Variants in TSPAN18 observed in about 807,000 individuals in gnomAD.
TSPAN18 encodes tetraspanin-18.
TSPAN18 carries 14 observed loss-of-function variants against 27.3 expected under a neutral mutation model. That is an observed-to-expected ratio of 0.51 (90% CI 0.34 to 0.80). TSPAN18 has a LOEUF of 0.80. TSPAN18 is among the 30% of genes least tolerant of loss of function. The pLI is 0.01. For synonymous variants in TSPAN18, 143 were observed against 136.5 expected, an observed-to-expected ratio of 1.05 and a Z score of -0.33; for missense variants, 268 against 323.9, an observed-to-expected ratio of 0.83 and a Z score of 1.32.
chr11:44,928,118 A>G (rs190675311), intron 9 of TSPAN18, among the ~76,000 whole-genome samples: 32 of 152,230 alleles, frequency 2.1e-4, no homozygotes, highest in African/African-American at 7.7e-4. Flanking sequence ...GCTACTTGCA[A>G]TGAGCTCTGG....
intron 5 of TSPAN18, among the ~76,000 whole-genome samples, chr11:44,911,185 T>C (rs957387796): frequency 1.3e-5 from 2 of 152,182 alleles, no homozygotes; most frequent in Non-Finnish European, 2.9e-5. Context: ...CTGGGTAAGC[T>C]TGCGGATGCT....
intron 5 of TSPAN18, 105 bp downstream of exon 5, chr11:44,910,004 C>A: frequency 1.5e-6 from 2 of 1,362,514 alleles, no homozygotes; most frequent in Non-Finnish European, 9.8e-7. Context: ...CCAGTGCTTC[C>A]CAAACTGGGG....
chr11:44,792,705 G>C (rs1254349415), intron 2 of TSPAN18, among the ~76,000 whole-genome samples: 1 of 152,168 alleles, frequency 6.6e-6, no homozygotes, highest in African/African-American at 2.4e-5. Context: ...GGTTCCTCCC[G>C]GAAGAGGTGA....
At chr11:44,729,639 C>G (rs1379763727) in intron 1 of TSPAN18, among the ~76,000 whole-genome samples, 1 of 152,162 alleles carries the variant, frequency 6.6e-6, no homozygotes, top group East Asian at 1.9e-4. Flanking sequence ...TTACCCAACC[C>G]CAGTCTGAAA....
Position 44,748,263 on chromosome 11 carries a change from C to G in TSPAN18, c.-239-16163C>G, listed in dbSNP as rs114730450. Among the ~76,000 whole-genome samples, 960 of 152,192 alleles carry G rather than the reference C, an allele frequency of 6.3e-3. 9 individuals carry two copies. The highest frequency in any genetic ancestry group is 0.022 in the African/African-American group (920 of 41,520). On this transcript the variant is annotated intron_variant, in intron 1 of 9. Transcript: ENST00000520358. ...TCTTTACTAAAAATACAGAAATTAGCTGGGCACGCCTGTAATCCCAGCTAC... is the reference window on the plus strand; with the variant it reads ...TCTTTACTAAAAATACAGAAATTAGGTGGGCACGCCTGTAATCCCAGCTAC...
chr11:44,894,614 T>C (rs1373661333), intron 3 of TSPAN18, among the ~76,000 whole-genome samples: 1 of 152,250 alleles, frequency 6.6e-6, no homozygotes, highest in African/African-American at 2.4e-5. Context: ...TAAAGCTGTC[T>C]GGCCCGGGCA....
In TSPAN18 at chr11:44,930,968, G is replaced by T; in HGVS notation, c.*1790G>T. 1 of 493,914 alleles carries T rather than the reference G, an allele frequency of 2.0e-6. No homozygotes were observed. The allele number at this position is 493,914 out of a possible 1,614,324, so 30.6% of individuals were successfully genotyped here. The stretch of plus-strand genomic sequence containing the variant: ...GGGACACTCGGAGCCACAGCCTAGA[G>T]CCCCGTGTTCCCTGGCCTGTGCGTC... On this transcript the variant is annotated 3_prime_UTR_variant, in exon 10 of 10. Coordinates refer to ENST00000520358, the MANE Select transcript of TSPAN18 (RefSeq NM_130783.5).
chr11:44,929,119 CT>C lies in TSPAN18; in HGVS notation c.700-5del, dbSNP rs779358464. The C allele has an allele frequency of 1.9e-6, 3 of 1,613,146 alleles. No homozygotes were observed. The highest frequency in any genetic ancestry group is 4.5e-5 in the East Asian group (2 of 44,872). On this transcript the variant is annotated splice_polypyrimidine_tract_variant and intron_variant, in intron 9 of 9. Coordinates refer to ENST00000520358, the MANE Select transcript of TSPAN18 (RefSeq NM_130783.5). The stretch of plus-strand genomic sequence containing the variant: ...TGATAAGCCAGTTCCTGCTCTTTTT[CT>C]TTTTTTGCAGCTTTTCGCCATGATC...
intron 2 of TSPAN18, among the ~76,000 whole-genome samples, chr11:44,785,501 C>T (rs903336876): frequency 3.9e-5 from 6 of 151,932 alleles, no homozygotes; most frequent in Admixed American, 2.6e-4. Flanking sequence ...AAAAGTTATC[C>T]TCATGGTACA....
At chr11:44,796,183 G>C (rs763133324) in intron 2 of TSPAN18, among the ~76,000 whole-genome samples, 3 of 152,106 alleles carry the variant, frequency 2.0e-5, no homozygotes, top group African/African-American at 4.8e-5. Context: ...GGAGGCTCCT[G>C]GTTCTTTGCT....
chr11:44,827,961 A>G (rs1349146323), intron 2 of TSPAN18, among the ~76,000 whole-genome samples: 4 of 152,214 alleles, frequency 2.6e-5, no homozygotes, highest in Non-Finnish European at 5.9e-5. Flanking sequence ...AGCAGGCTGT[A>G]GACTCCCACC....
chr11:44,841,858 T>C (rs552917205), intron 2 of TSPAN18, among the ~76,000 whole-genome samples: 121 of 152,314 alleles, frequency 7.9e-4, no homozygotes, highest in African/African-American at 2.8e-3. Flanking sequence ...ATAAGTTTAG[T>C]CTTTTCTTCT....
intron 2 of TSPAN18, among the ~76,000 whole-genome samples, chr11:44,826,368 G>A (rs1451419487): frequency 6.6e-6 from 1 of 152,244 alleles, no homozygotes; most frequent in Non-Finnish European, 1.5e-5. Context: ...AGGTTACACT[G>A]AGTCGAGATG....
intron 3 of TSPAN18, among the ~76,000 whole-genome samples, chr11:44,882,276 G>C (rs966424889): frequency 1.3e-5 from 2 of 152,116 alleles, no homozygotes; most frequent in Non-Finnish European, 2.9e-5. Context: ...CCTTAATTAA[G>C]GGGCAGCTGG....
At chr11:44,789,353 G>A (rs1053916833) in intron 2 of TSPAN18, among the ~76,000 whole-genome samples, 3 of 152,160 alleles carry the variant, frequency 2.0e-5, no homozygotes, top group Admixed American at 6.5e-5. Context: ...TGGAGCCTTT[G>A]GAAGAAAAAT....
At chr11:44,910,998 G>C (rs775663271) in intron 5 of TSPAN18, among the ~76,000 whole-genome samples, 1 of 152,190 alleles carries the variant, frequency 6.6e-6, no homozygotes, top group Non-Finnish European at 1.5e-5. Flanking sequence ...GGGTCTTCTC[G>C]TTCTCGAGTC....
intron 2 of TSPAN18, among the ~76,000 whole-genome samples, chr11:44,799,314 C>T (rs2135063686): frequency 6.6e-6 from 1 of 152,314 alleles, no homozygotes; most frequent in African/African-American, 2.4e-5. Flanking sequence ...TCCCGCACCC[C>T]ACCCCAACTT....
At chr11:44,927,231 T>C (rs955069013) in intron 9 of TSPAN18, among the ~76,000 whole-genome samples, 37 of 152,194 alleles carry the variant, frequency 2.4e-4, no homozygotes, top group African/African-American at 8.9e-4. Flanking sequence ...AGAGTCCCCT[T>C]GAAAGGTAAG....
In TSPAN18 at chr11:44,809,812, G is replaced by A. The variant is rs912570663; in HGVS notation, c.-153+45300G>A. 3.9e-5 allele frequency among the ~76,000 whole-genome samples: 6 copies of A among 152,364 alleles called. No individual in the cohort carries two copies. In the East Asian group the frequency reaches 9.6e-4, roughly 24 times the overall value. ...GTTTGTTATGGGGAATAAGTGAGAT[G>A]CACAGTGAAATGTGTTCAGCACAGC... On this transcript the variant is annotated intron_variant, in intron 2 of 9. Transcript: ENST00000520358.
Sources: gnomAD v4.1 joint callset for allele counts (sites outside exome capture counted in the v4.1 genomes callset) on GRCh38, gnomAD v4.1.1 for gene constraint, MANE v1.5 for transcripts, NCBI Gene and HGNC (gene_info 2026-07-23, HGNC 2026-07-21) for gene names.